The following STX8 variants were observed in gnomAD, a reference collection of about 807,000 sequenced individuals.
STX8 encodes the protein syntaxin 8.
A neutral mutation model predicts 37.5 loss-of-function variants in STX8; 23 were observed. The ratio of observed to expected loss-of-function variants is 0.61; its 90% CI spans 0.44 to 0.87. The LOEUF (loss-of-function observed/expected upper bound fraction) is 0.87, where lower values mean the gene tolerates loss of function less well. Among genes scored for constraint, STX8 ranks in the 40% least tolerant of loss-of-function variants. The pLI is 0.00. For missense variants in STX8, 313 were observed against 284.7 expected (o/e 1.10, Z -0.71); for synonymous variants, 115 against 99.1 (o/e 1.16, Z -0.95).
At chr17:9,295,373 C>G (rs1029010234) in intron 7 of STX8, among the ~76,000 whole-genome samples, 1 of 152,272 alleles carries the variant, frequency 6.6e-6, no homozygotes, top group Admixed American at 6.5e-5. Flanking sequence ...TAGTCCTGGT[C>G]CCTAGCATGT....
chr17:9,518,831 T>C lies in STX8; in HGVS notation c.324-13669A>G, dbSNP rs558765928. On this transcript the variant is annotated intron_variant, in intron 4 of 7. Transcript: ENST00000306357. ...TACAGTGGAGCCGAGATCGTGCCAC[T>C]GCACTCCAGCCTGGGCGGCAGAGCG... Among the ~76,000 whole-genome samples, 4 of 147,488 alleles carry C rather than the reference T, an allele frequency of 2.7e-5. No individual in the cohort carries two copies. In the South Asian group the frequency reaches 8.5e-4, roughly 31 times the overall value.
chr17:9,443,767 T>C (rs537875432), intron 6 of STX8, among the ~76,000 whole-genome samples: 2 of 152,294 alleles, frequency 1.3e-5, no homozygotes, highest in East Asian at 1.9e-4. Context: ...CCACCTACCA[T>C]AGGTGCAAAA....
At chr17:9,313,133 G>A (rs1909251115) in intron 7 of STX8, among the ~76,000 whole-genome samples, 1 of 152,148 alleles carries the variant, frequency 6.6e-6, no homozygotes, top group Non-Finnish European at 1.5e-5. Context: ...GGAGGTTATG[G>A]TGAGCCGAGA....
At chr17:9,409,232 G>A (rs893707668) in intron 6 of STX8, among the ~76,000 whole-genome samples, 4 of 152,082 alleles carry the variant, frequency 2.6e-5, no homozygotes, top group Admixed American at 1.3e-4. Context: ...GAGTCTTTCC[G>A]GTTTCTGCCT....
chr17:9,389,403 A>G (rs1567540049), intron 6 of STX8, among the ~76,000 whole-genome samples: 1 of 152,260 alleles, frequency 6.6e-6, no homozygotes, highest in Non-Finnish European at 1.5e-5. Context: ...CCTGGTCAGT[A>G]CTTGCATTTG....
At chr17:9,301,465 TTTATTTTA>T (rs1295307569) in intron 7 of STX8, among the ~76,000 whole-genome samples, 1 of 151,252 alleles carries the variant, frequency 6.6e-6, no homozygotes, top group East Asian at 1.9e-4. Context: ...TTTTTTAATT[TTTATTTTA>T]TTTATTTATT....
At chr17:9,481,043 C>T (rs1167606804) in intron 6 of STX8, among the ~76,000 whole-genome samples, 1 of 152,088 alleles carries the variant, frequency 6.6e-6, no homozygotes, top group Non-Finnish European at 1.5e-5. Context: ...CGCCACCACA[C>T]CTGGCTAATT....
chr17:9,333,869 G>A (rs752039168), intron 7 of STX8, among the ~76,000 whole-genome samples: 8 of 152,136 alleles, frequency 5.3e-5, no homozygotes, highest in Non-Finnish European at 1.2e-4. Context: ...TGCCCAGTGG[G>A]TTCACCTTAC....
At chr17:9,516,298 CATATATATATATATAT>C (rs150682084) in intron 4 of STX8, among the ~76,000 whole-genome samples, 8,531 of 51,848 alleles carry the variant, frequency 0.16, 749 homozygotes, top group South Asian at 0.29. Context: ...GAACCACAGT[CATATATATATATATAT>C]ATATATATAT....
At chr17:9,368,920 C>A (rs1428993574) in intron 7 of STX8, among the ~76,000 whole-genome samples, 1 of 130,238 alleles carries the variant, frequency 7.7e-6, no homozygotes, top group Non-Finnish European at 1.6e-5. Flanking sequence ...CTACCTTTTA[C>A]CCTTTTTTTT....
chr17:9,495,895 T>C (rs1224083200), intron 5 of STX8, among the ~76,000 whole-genome samples: 1 of 152,052 alleles, frequency 6.6e-6, no homozygotes, highest in East Asian at 1.9e-4. Flanking sequence ...ATATAAATAA[T>C]CAAGAACCAT....
Position 9,552,129 on chromosome 17 carries a change from C to A in STX8, c.212+5305G>T, listed in dbSNP as rs76527780. Among the ~76,000 whole-genome samples, 71 of 152,184 alleles carry A rather than the reference C, an allele frequency of 4.7e-4. No homozygotes were observed. In the East Asian group the frequency reaches 0.012, roughly 25 times the overall value. Reference sequence around the variant, plus strand: ...CATTTTGCAGGCCAAGGTGGAGGATCGCTTGAGACTAGAAGTTCGAGACCA... The same window carrying A: ...CATTTTGCAGGCCAAGGTGGAGGATAGCTTGAGACTAGAAGTTCGAGACCA... On this transcript the variant is annotated intron_variant, in intron 3 of 7. Coordinates refer to ENST00000306357, the MANE Select transcript of STX8 (RefSeq NM_004853.3).
Position 9,545,239 on chromosome 17 carries a change from G to C in STX8, c.256C>G (p.Leu86Val). 1 of 1,614,140 alleles carries C rather than the reference G, an allele frequency of 6.2e-7. No homozygotes were observed. Among genetic ancestry groups the C allele is most frequent in the South Asian group, 1.1e-5 (1 of 91,074 alleles). Reference sequence around the variant, plus strand: ...AGAAGTAGTCTCTCTCGAGTTACAAGATCATCCAAGAGGTTCTGTCTTCGG... The same window carrying C: ...AGAAGTAGTCTCTCTCGAGTTACAACATCATCCAAGAGGTTCTGTCTTCGG... ...GDRRQNLLDD[L>V]VTRERLLLAS... Residue 86 changes from leucine to valine, a missense_variant, in exon 4 of 8, where the codon CTT (leucine) becomes GTT (valine). Leu to Val is a conservative substitution (Grantham distance 32). Transcript: ENST00000306357.
At chr17:9,288,637 GGGT>G (rs1159060299) in intron 7 of STX8, among the ~76,000 whole-genome samples, 39 of 152,020 alleles carry the variant, frequency 2.6e-4, no homozygotes, top group African/African-American at 8.4e-4. Context: ...ACTCCAGCCT[GGGT>G]GACAGAGTGA....
chr17:9,479,305 G>A lies in STX8; in HGVS notation c.541+12524C>T, dbSNP rs1042469103. On this transcript the variant is annotated intron_variant, in intron 6 of 7. Coordinates refer to ENST00000306357, the MANE Select transcript of STX8 (RefSeq NM_004853.3). ...TCCCAGCCCTTTGGGAGGCTGAGGTGGGTGGATCACCTGAGGTCAGGAGTT... is the reference window on the plus strand; with the variant it reads ...TCCCAGCCCTTTGGGAGGCTGAGGTAGGTGGATCACCTGAGGTCAGGAGTT... Among the ~76,000 whole-genome samples the A allele has an allele frequency of 5.6e-4, 85 of 152,068 alleles. 2 individuals are homozygous for A. Among genetic ancestry groups the A allele is most frequent in the Non-Finnish European group, 1.9e-4 (13 of 68,006 alleles).
At chr17:9,526,756 GC>G (rs1204094329) in intron 4 of STX8, among the ~76,000 whole-genome samples, 10 of 152,052 alleles carry the variant, frequency 6.6e-5, no homozygotes, top group Non-Finnish European at 1.0e-4. Context: ...TGTAATCCCA[GC>G]TACTCGGGAG....
At chr17:9,415,625 C>T (rs989433747) in intron 6 of STX8, among the ~76,000 whole-genome samples, 1 of 151,992 alleles carries the variant, frequency 6.6e-6, no homozygotes, top group African/African-American at 2.4e-5. Context: ...AAAAATTAGC[C>T]GGGCGTGGTG....
At chr17:9,354,839 G>A (rs954184543) in intron 7 of STX8, among the ~76,000 whole-genome samples, 1 of 152,020 alleles carries the variant, frequency 6.6e-6, no homozygotes, top group African/African-American at 2.4e-5. Context: ...CTGTTCTCTT[G>A]GTCTGTTGTG....
intron 7 of STX8, among the ~76,000 whole-genome samples, chr17:9,296,103 T>C (rs1908525978): frequency 1.3e-5 from 2 of 152,112 alleles, no homozygotes; most frequent in Non-Finnish European, 2.9e-5. Context: ...GGCAGGAGAA[T>C]GGCGCGAACC....
Sources: allele counts gnomAD v4.1 joint callset (sites outside exome capture counted in the v4.1 genomes callset), GRCh38; gene constraint gnomAD v4.1.1; transcripts MANE v1.5; gene names NCBI Gene and HGNC (gene_info 2026-07-23, HGNC 2026-07-21).